Variants in SUPT3H observed in about 807,000 individuals in gnomAD.
The protein encoded by SUPT3H is SPT3 homolog, SAGA and STAGA complex component.
Under a neutral mutation model 44.3 loss-of-function variants are expected in SUPT3H, and 44 were observed. The observed-to-expected ratio is 0.99, with a 90% CI of 0.78 to 1.28. The LOEUF is 1.28. SUPT3H is among the 50% of genes most tolerant of loss of function. The pLI, the probability that SUPT3H is intolerant of heterozygous loss-of-function variation, is 0.00. For missense variants in SUPT3H, 380 were observed against 387.1 expected, an observed-to-expected ratio of 0.98 and a Z score of 0.15; for synonymous variants, 124 against 125.6, an observed-to-expected ratio of 0.99 and a Z score of 0.09.
chr6:45,127,703 G>A (rs796490985), intron 2 of SUPT3H, among the ~76,000 whole-genome samples: 2 of 151,726 alleles, frequency 1.3e-5, no homozygotes, highest in Admixed American at 6.6e-5. Flanking sequence ...TTTCTATCTC[G>A]CTGATTTCTA....
intron 1 of SUPT3H, among the ~76,000 whole-genome samples, chr6:45,374,671 AGT>A: frequency 6.6e-6 from 1 of 152,224 alleles, no homozygotes; most frequent in Non-Finnish European, 1.5e-5. Context: ...AAATAAAATC[AGT>A]GTTATTTCAA....
At chr6:45,192,950 T>C (rs184615383) in intron 2 of SUPT3H, among the ~76,000 whole-genome samples, 1 of 152,304 alleles carries the variant, frequency 6.6e-6, no homozygotes, top group African/African-American at 2.4e-5. Flanking sequence ...TGAACCATTT[T>C]CTAAAAAGGT....
At chr6:45,049,282 T>C (rs1364894606) in intron 3 of SUPT3H, among the ~76,000 whole-genome samples, 1 of 152,186 alleles carries the variant, frequency 6.6e-6, no homozygotes, top group Admixed American at 6.5e-5. Context: ...ATCTCATTTA[T>C]GTGGATCCTT....
rs1489943925 is a variant in SUPT3H, at chr6:45,000,083, TACAC to T, written c.504+3566_504+3569del. ...ATGTATATACACATATAAATGTATA[TACAC>T]AGATATATACATACATGTATTTATT... On this transcript the variant is annotated intron_variant, in intron 6 of 10. Transcript: ENST00000371459. 6.0e-5 allele frequency among the ~76,000 whole-genome samples: 9 copies of T among 150,416 alleles called. No homozygotes were observed. The East Asian group carries it at 7.7e-4, about 13-fold the overall frequency.
chr6:45,342,896 T>C (rs151151270), intron 2 of SUPT3H, among the ~76,000 whole-genome samples: 334 of 152,286 alleles, frequency 2.2e-3, no homozygotes, highest in African/African-American at 7.5e-3. Context: ...ATGAAAACCA[T>C]AGAATGTCAT....
At chr6:44,817,318 G>T (rs1766982714) in intron 11 of SUPT3H, among the ~76,000 whole-genome samples, 1 of 151,102 alleles carries the variant, frequency 6.6e-6, no homozygotes, top group South Asian at 2.1e-4. Flanking sequence ...GGCAAAAAAG[G>T]AATAAAAGGA....
intron 3 of SUPT3H, among the ~76,000 whole-genome samples, chr6:45,043,735 AT>A (rs1168391676): frequency 6.6e-6 from 1 of 152,208 alleles, no homozygotes; most frequent in African/African-American, 2.4e-5. Flanking sequence ...ACAAATAAAT[AT>A]GATCTGATTA....
At chr6:45,323,437 T>C (rs758271686) in intron 2 of SUPT3H, among the ~76,000 whole-genome samples, 22 of 152,026 alleles carry the variant, frequency 1.4e-4, no homozygotes, top group Non-Finnish European at 2.4e-4. Flanking sequence ...ATTTTTGCTT[T>C]AGAATAACCT....
At chr6:44,990,438 T>C (rs2153497033) in intron 6 of SUPT3H, among the ~76,000 whole-genome samples, 1 of 152,056 alleles carries the variant, frequency 6.6e-6, no homozygotes, top group South Asian at 2.1e-4. Flanking sequence ...AGGGTACTGT[T>C]TTGATTACTA....
downstream of SUPT3H, among the ~76,000 whole-genome samples, chr6:44,825,398 A>G (rs1767665315): frequency 6.6e-6 from 1 of 152,170 alleles, no homozygotes; most frequent in South Asian, 2.1e-4. Context: ...TCAGGCAGCA[A>G]TTCTCTTTAA....
intron 10 of SUPT3H, among the ~76,000 whole-genome samples, chr6:44,909,682 A>G (rs1381237678): frequency 1.3e-5 from 2 of 152,130 alleles, no homozygotes; most frequent in Non-Finnish European, 2.9e-5. Context: ...TGACTCTCAC[A>G]TTACAGATGG....
intron 2 of SUPT3H, among the ~76,000 whole-genome samples, chr6:45,344,752 G>A (rs747038807): frequency 6.6e-6 from 1 of 152,130 alleles, no homozygotes; most frequent in African/African-American, 2.4e-5. Context: ...AGGTGAGTCT[G>A]CCTTTAAGAC....
chr6:45,364,743 T>G (rs1201079576), intron 2 of SUPT3H, among the ~76,000 whole-genome samples: 2 of 152,192 alleles, frequency 1.3e-5, no homozygotes, highest in African/African-American at 4.8e-5. Flanking sequence ...ACACAGTGAT[T>G]TCAAATATTA....
intron 2 of SUPT3H, among the ~76,000 whole-genome samples, chr6:45,346,326 AT>A (rs1790851409): frequency 6.6e-6 from 1 of 152,124 alleles, no homozygotes; most frequent in Admixed American, 6.5e-5. Context: ...AATAAAATAG[AT>A]TTTTAAAGGA....
At chr6:45,269,567 T>TTTC (rs1775789002) in intron 2 of SUPT3H, among the ~76,000 whole-genome samples, 1 of 152,176 alleles carries the variant, frequency 6.6e-6, no homozygotes, top group Non-Finnish European at 1.5e-5. Flanking sequence ...CAACCGACAT[T>TTTC]TGAATGGTTA....
intron 3 of SUPT3H, among the ~76,000 whole-genome samples, chr6:45,022,983 A>T (rs1249992159): frequency 6.6e-6 from 1 of 152,144 alleles, no homozygotes; most frequent in African/African-American, 2.4e-5. Flanking sequence ...GTCAAGGGTC[A>T]ACTGTGTTAT....
chr6:44,930,221 C>G (rs1770338116), intron 10 of SUPT3H, among the ~76,000 whole-genome samples: 1 of 151,890 alleles, frequency 6.6e-6, no homozygotes, highest in South Asian at 2.1e-4. Flanking sequence ...TACTAAAAAA[C>G]ACACACAAAA....
intron 10 of SUPT3H, among the ~76,000 whole-genome samples, chr6:44,867,389 C>A (rs1174441891): frequency 2.6e-5 from 4 of 152,040 alleles, no homozygotes; most frequent in African/African-American, 9.7e-5. Flanking sequence ...GATCCTCCCG[C>A]CTCGGCCTCC....
chr6:45,181,098 A>G (rs1813078940), intron 2 of SUPT3H, among the ~76,000 whole-genome samples: 1 of 151,396 alleles, frequency 6.6e-6, no homozygotes, highest in Non-Finnish European at 1.5e-5. Flanking sequence ...TTATGCAGCC[A>G]AGAAACACAT....
Sources: allele counts gnomAD v4.1 joint callset (sites outside exome capture counted in the v4.1 genomes callset), GRCh38; gene constraint gnomAD v4.1.1; transcripts MANE v1.5; gene names NCBI Gene and HGNC (gene_info 2026-07-23, HGNC 2026-07-21).